The following NALCN variants were observed in gnomAD, a reference collection of about 807,000 sequenced individuals.
NALCN encodes sodium leak channel NALCN.
A neutral mutation model predicts 225.3 loss-of-function variants in NALCN; 111 were observed. The ratio of observed to expected loss-of-function variants is 0.49; its 90% confidence interval spans 0.42 to 0.58. The LOEUF is 0.58. Ranked by LOEUF, NALCN falls within the 20% of genes least tolerant of loss-of-function variation. NALCN has a pLI of 0.00. For missense variants in NALCN, 1,378 were observed against 2,202.4 expected (o/e 0.63, Z 7.49); for synonymous variants, 764 against 769.0 (o/e 0.99, Z 0.11).
intron 11 of NALCN, among the ~76,000 whole-genome samples, chr13:101,244,160 T>C (rs933203106): frequency 3.1e-5 from 4 of 129,536 alleles, no homozygotes; most frequent in African/African-American, 1.1e-4. Context: ...ATTTTCAGAC[T>C]GAGATTTTCA....
intron 15 of NALCN, among the ~76,000 whole-genome samples, chr13:101,152,731 T>C (rs17485151): frequency 0.022 from 3,358 of 152,318 alleles, 56 homozygotes; most frequent in Non-Finnish European, 0.032. Context: ...ATTGATTTTG[T>C]AGGTTTATTC....
At chr13:101,208,775 T>C (rs1594439549) in intron 13 of NALCN, among the ~76,000 whole-genome samples, 2 of 152,146 alleles carry the variant, frequency 1.3e-5, no homozygotes, top group East Asian at 3.9e-4. Context: ...TCCTCTCTCT[T>C]TTGTTTCTGT....
chr13:101,414,502 A>G (rs1487528138), intron 1 of NALCN, among the ~76,000 whole-genome samples: 1 of 151,934 alleles, frequency 6.6e-6, no homozygotes, highest in Admixed American at 6.6e-5. Flanking sequence ...TGATAAAACA[A>G]ATGTGTACAT....
intron 1 of NALCN, among the ~76,000 whole-genome samples, chr13:101,407,372 A>C (rs2047654272): frequency 6.6e-6 from 1 of 152,226 alleles, no homozygotes; most frequent in Admixed American, 6.5e-5. Flanking sequence ...GGGACTTTGC[A>C]ATAGATGATA....
intron 7 of NALCN, among the ~76,000 whole-genome samples, chr13:101,322,225 G>C (rs1240678522): frequency 6.6e-6 from 1 of 152,134 alleles, no homozygotes; most frequent in Non-Finnish European, 1.5e-5. Context: ...ATCTATAACT[G>C]TGTGACTCTG....
intron 13 of NALCN, among the ~76,000 whole-genome samples, chr13:101,224,104 C>T (rs1326325183): frequency 1.3e-5 from 2 of 152,196 alleles, no homozygotes; most frequent in Non-Finnish European, 2.9e-5. Flanking sequence ...AGAAAACAGA[C>T]TTCCCTTCAC....
chr13:101,105,991 CTGGA>C (rs2035074550), intron 22 of NALCN, among the ~76,000 whole-genome samples: 1 of 152,146 alleles, frequency 6.6e-6, no homozygotes, highest in Non-Finnish European at 1.5e-5. Context: ...GTGCTTAAGA[CTGGA>C]TGGCTCAAGC....
intron 43 of NALCN, among the ~76,000 whole-genome samples, chr13:101,055,958 G>A (rs2044117): frequency 0.19 from 28,276 of 152,136 alleles, 2,839 homozygotes; most frequent in Non-Finnish European, 0.23. Flanking sequence ...TCTGCAACCT[G>A]TGGATATGTA....
At chr13:101,182,674 C>A (rs527626774) in intron 14 of NALCN, among the ~76,000 whole-genome samples, 15 of 152,110 alleles carry the variant, frequency 9.9e-5, no homozygotes, top group Admixed American at 9.8e-4. Flanking sequence ...TCAAACTGTC[C>A]CTGGCATGTA....
intron 13 of NALCN, among the ~76,000 whole-genome samples, chr13:101,212,879 A>C (rs2140083002): frequency 6.6e-6 from 1 of 152,276 alleles, no homozygotes; most frequent in Middle Eastern, 3.4e-3. Flanking sequence ...GCCCAAGGTA[A>C]TTTATAGATT....
chr13:101,057,853 T>G (rs2031451817), intron 43 of NALCN, 86 bp downstream of exon 43: 9 of 1,060,540 alleles, frequency 8.5e-6, no homozygotes, highest in Admixed American at 5.1e-5. Flanking sequence ...AGACTTGCAT[T>G]TTGAAAGGCA....
At chr13:101,245,043 GCTTT>G (rs2041854138) in intron 11 of NALCN, among the ~76,000 whole-genome samples, 1 of 152,146 alleles carries the variant, frequency 6.6e-6, no homozygotes, top group East Asian at 1.9e-4. Flanking sequence ...CAATCTCAAG[GCTTT>G]CTGCAAATCC....
At chr13:101,208,641 G>A (rs1368137787) in intron 13 of NALCN, among the ~76,000 whole-genome samples, 1 of 152,202 alleles carries the variant, frequency 6.6e-6, no homozygotes, top group East Asian at 1.9e-4. Flanking sequence ...GGGCCTGCTG[G>A]GAGGTGTTTA....
intron 10 of NALCN, among the ~76,000 whole-genome samples, chr13:101,267,807 C>T (rs183771791): frequency 8.5e-5 from 13 of 152,254 alleles, no homozygotes; most frequent in East Asian, 3.9e-4. Flanking sequence ...TCAACTGATC[C>T]GCAAATTCAT....
rs2043605281 is a variant in NALCN, at chr13:101,292,924, C to A, written c.800-558G>T. On this transcript the variant is annotated intron_variant, in intron 7 of 43. Transcript: ENST00000251127. The surrounding 1 kb of genome is among the most constrained non-coding windows in gnomAD (Gnocchi z 4.3). ...TAAGGCAGTGAATCACCAAATAGGACTTTGTATTTTCTGGGAGAATTACCT... is the reference window on the plus strand; with the variant it reads ...TAAGGCAGTGAATCACCAAATAGGAATTTGTATTTTCTGGGAGAATTACCT... Among the ~76,000 whole-genome samples the A allele has an allele frequency of 6.6e-6, 1 of 152,084 alleles. No homozygotes were observed. The highest frequency in any genetic ancestry group is 1.5e-5 in the Non-Finnish European group (1 of 68,022).
chr13:101,177,090 C>T (rs2139942087), intron 14 of NALCN, among the ~76,000 whole-genome samples: 1 of 152,236 alleles, frequency 6.6e-6, no homozygotes, highest in East Asian at 1.9e-4. Flanking sequence ...CTGGAGAGGT[C>T]CATGTGGTGA....
chr13:101,072,767 G>A (rs676602), intron 37 of NALCN, among the ~76,000 whole-genome samples: 33,690 of 151,902 alleles, frequency 0.22, 5,966 homozygotes, highest in African/African-American at 0.49. Flanking sequence ...TCCATGCAGC[G>A]ATGTAAATTT....
intron 11 of NALCN, among the ~76,000 whole-genome samples, chr13:101,256,136 T>C (rs1355879451): frequency 6.6e-6 from 1 of 151,526 alleles, no homozygotes; most frequent in Non-Finnish European, 1.5e-5. Context: ...GCCACCCACA[T>C]TCACGTGACA....
chr13:101,335,401 TA>T (rs201928181), intron 7 of NALCN, among the ~76,000 whole-genome samples: 1,725 of 152,234 alleles, frequency 0.011, 33 homozygotes, highest in African/African-American at 0.039. Flanking sequence ...TCATGTAACC[TA>T]GGGGCACTTA....
Sources: allele counts gnomAD v4.1 joint callset (sites outside exome capture counted in the v4.1 genomes callset), GRCh38; gene constraint gnomAD v4.1.1; non-coding constraint Gnocchi (gnomAD v3.1); transcripts MANE v1.5; gene names NCBI Gene and HGNC (gene_info 2026-07-23, HGNC 2026-07-21).